SPA17: variants seen among roughly 807,000 people sequenced by gnomAD.
SPA17 encodes sperm autoantigenic protein 17.
A neutral mutation model predicts 13.8 loss-of-function variants in SPA17; 7 were observed. That is an observed-to-expected ratio of 0.51 (90% CI 0.29 to 0.95). The LOEUF is 0.95. Among genes scored for constraint, SPA17 ranks in the 40% least tolerant of loss-of-function variants. SPA17 has a pLI of 0.08. For synonymous variants in SPA17, 61 were observed against 59.0 expected (o/e 1.03, Z -0.16); for missense variants, 170 against 179.3 (o/e 0.95, Z 0.30).
chr11:124,677,978 TCTGTAGG>T lies in SPA17; in HGVS notation c.154+2565_154+2571del, dbSNP rs1489320475. 5.3e-5 allele frequency among the ~76,000 whole-genome samples: 8 copies of T among 152,232 alleles called. 1 individual carries two copies. Among genetic ancestry groups the T allele is most frequent in the African/African-American group, 1.9e-4 (8 of 41,458 alleles). On this transcript the variant is annotated intron_variant, in intron 2 of 4. Transcript: ENST00000227135. ...TTACATTGGCAAAAAGCCAACATGCTCTGTAGGCTGTGGGATAATAAGCATTTATATA... is the reference window on the plus strand; with the variant it reads ...TTACATTGGCAAAAAGCCAACATGCTCTGTGGGATAATAAGCATTTATATA...
intron 3 of SPA17, among the ~76,000 whole-genome samples, chr11:124,686,909 G>A (rs998155220): frequency 1.3e-5 from 2 of 151,946 alleles, no homozygotes; most frequent in African/African-American, 4.8e-5. Context: ...AAGAACAAAC[G>A]AAACAGTAGC....
chr11:124,683,459 CATATCA>C (rs1183664141), intron 3 of SPA17, among the ~76,000 whole-genome samples: 2 of 150,714 alleles, frequency 1.3e-5, no homozygotes, highest in African/African-American at 4.9e-5. Flanking sequence ...CAAAACTCCA[CATATCA>C]ATAATAACTT....
intron 3 of SPA17, among the ~76,000 whole-genome samples, chr11:124,686,964 C>G (rs1480856418): frequency 1.3e-5 from 2 of 151,910 alleles, no homozygotes; most frequent in South Asian, 2.1e-4. Flanking sequence ...TAAATAGAGA[C>G]TAAAATAACA....
At chr11:124,685,035 G>A (rs999301534) in intron 3 of SPA17, among the ~76,000 whole-genome samples, 2 of 152,262 alleles carry the variant, frequency 1.3e-5, no homozygotes, top group African/African-American at 4.8e-5. Context: ...ATTCAAGCTG[G>A]CTGCAGAATT....
intron 4 of SPA17, among the ~76,000 whole-genome samples, chr11:124,693,906 C>A (rs1011547213): frequency 1.8e-4 from 28 of 152,128 alleles, no homozygotes; most frequent in Admixed American, 1.8e-3. Flanking sequence ...TATTCTAATT[C>A]ATTATATGTA....
At chr11:124,678,272 A>T (rs1943493212) in intron 2 of SPA17, among the ~76,000 whole-genome samples, 1 of 152,112 alleles carries the variant, frequency 6.6e-6, no homozygotes, top group Non-Finnish European at 1.5e-5. Flanking sequence ...GATACTGTGG[A>T]GTGATTTTCG....
chr11:124,680,080 A>G (rs1943513293), intron 2 of SPA17, among the ~76,000 whole-genome samples: 1 of 152,208 alleles, frequency 6.6e-6, no homozygotes, highest in African/African-American at 2.4e-5. Context: ...GTAACCAAAC[A>G]GTTGATGAGG....
chr11:124,691,464 A>C (rs995284246), intron 3 of SPA17, among the ~76,000 whole-genome samples: 1 of 152,076 alleles, frequency 6.6e-6, no homozygotes, highest in Non-Finnish European at 1.5e-5. Context: ...CAGATCAAAC[A>C]TTTTTGCCAA....
intron 4 of SPA17, 52 bp downstream of exon 4, chr11:124,691,834 C>A: frequency 8.1e-7 from 1 of 1,237,458 alleles, no homozygotes; most frequent in Non-Finnish European, 1.1e-6. Context: ...ATGATATTGC[C>A]CAATTTAAAA....
chr11:124,687,155 A>AT (rs1943585110), intron 3 of SPA17, among the ~76,000 whole-genome samples: 1 of 152,174 alleles, frequency 6.6e-6, no homozygotes, highest in Non-Finnish European at 1.5e-5. Context: ...ATTATGAACA[A>AT]TTATACACTC....
At chr11:124,683,578 A>G (rs1429050095) in intron 3 of SPA17, among the ~76,000 whole-genome samples, 1 of 151,866 alleles carries the variant, frequency 6.6e-6, no homozygotes, top group Non-Finnish European at 1.5e-5. Context: ...TGCTGCTAAT[A>G]GGAAACTCAC....
At chr11:124,679,214 A>G (rs1432206550) in intron 2 of SPA17, among the ~76,000 whole-genome samples, 1 of 152,026 alleles carries the variant, frequency 6.6e-6, no homozygotes, top group African/African-American at 2.4e-5. Flanking sequence ...ACTGCGTGAC[A>G]TAACCATACA....
At chr11:124,683,494 A>G (rs1943546824) in intron 3 of SPA17, among the ~76,000 whole-genome samples, 4 of 152,008 alleles carry the variant, frequency 2.6e-5, no homozygotes. Flanking sequence ...TATGGATTAA[A>G]TGCTCAACAT....
intron 3 of SPA17, among the ~76,000 whole-genome samples, chr11:124,681,912 C>A (rs184695588): frequency 3.3e-5 from 5 of 152,260 alleles, no homozygotes; most frequent in African/African-American, 1.2e-4. Flanking sequence ...TAGACCAAAA[C>A]ACTATTAGTC....
chr11:124,677,141 T>TA (rs1188034939), intron 2 of SPA17, among the ~76,000 whole-genome samples: 1 of 152,150 alleles, frequency 6.6e-6, no homozygotes, highest in East Asian at 1.9e-4. Flanking sequence ...AAACAATGGG[T>TA]AAAACCATTT....
intron 3 of SPA17, among the ~76,000 whole-genome samples, chr11:124,691,084 T>C (rs1212925899): frequency 6.6e-6 from 1 of 152,232 alleles, no homozygotes; most frequent in South Asian, 2.1e-4. Context: ...TTAACTTATA[T>C]ATTCTTAAAT....
intron 2 of SPA17, among the ~76,000 whole-genome samples, chr11:124,680,606 A>G (rs993594133): frequency 3.3e-5 from 5 of 152,216 alleles, no homozygotes; most frequent in African/African-American, 9.6e-5. Flanking sequence ...TTGACTGAAT[A>G]GTTGAGGATA....
intron 3 of SPA17, among the ~76,000 whole-genome samples, chr11:124,684,242 G>C (rs1273911615): frequency 6.6e-6 from 1 of 151,882 alleles, no homozygotes; most frequent in Non-Finnish European, 1.5e-5. Flanking sequence ...CTTCATAGCA[G>C]TGTAAGAACA....
intron 4 of SPA17, among the ~76,000 whole-genome samples, chr11:124,693,975 G>A (rs1462356830): frequency 6.6e-6 from 1 of 152,052 alleles, no homozygotes; most frequent in Non-Finnish European, 1.5e-5. Context: ...TTTTTACCAT[G>A]CCTCAAGGAT....
Sources: gnomAD v4.1 joint callset for allele counts (sites outside exome capture counted in the v4.1 genomes callset) on GRCh38, gnomAD v4.1.1 for gene constraint, MANE v1.5 for transcripts, NCBI Gene and HGNC (gene_info 2026-07-23, HGNC 2026-07-21) for gene names.